The following ZFAND3 variants were observed in gnomAD, a reference collection of about 807,000 sequenced individuals.
ZFAND3 encodes the protein zinc finger AN1-type containing 3.
Under a neutral mutation model 29.6 loss-of-function variants are expected in ZFAND3, and 10 were observed. The ratio of observed to expected loss-of-function variants is 0.34; its 90% CI spans 0.21 to 0.57. The LOEUF (loss-of-function observed/expected upper bound fraction) is 0.57. Among genes scored for constraint, ZFAND3 ranks in the 20% least tolerant of loss-of-function variants. ZFAND3 has a pLI of 0.86. For missense variants in ZFAND3, 230 were observed against 304.5 expected, an observed-to-expected ratio of 0.76 and a Z score of 1.82; for synonymous variants, 128 against 112.6, an observed-to-expected ratio of 1.14 and a Z score of -0.87.
intron 4 of ZFAND3, among the ~76,000 whole-genome samples, chr6:38,093,164 A>AAAAT (rs1298122731): frequency 6.6e-6 from 1 of 152,256 alleles, no homozygotes; most frequent in Non-Finnish European, 1.5e-5. Context: ...ACTTGCCAAA[A>AAAAT]AAACCAGTTC....
intron 1 of ZFAND3, among the ~76,000 whole-genome samples, chr6:37,827,680 G>C (rs1356971666): frequency 6.6e-6 from 1 of 152,246 alleles, no homozygotes. Flanking sequence ...ATGAGGCTGA[G>C]GGACAGAGCT....
intron 2 of ZFAND3, among the ~76,000 whole-genome samples, chr6:38,030,586 GT>G (rs1763540663): frequency 6.6e-6 from 1 of 152,098 alleles, no homozygotes; most frequent in African/African-American, 2.4e-5. Flanking sequence ...GCAACTGATT[GT>G]TCAACAGAAA....
At chr6:37,862,541 AG>A (rs1344028055) in intron 1 of ZFAND3, among the ~76,000 whole-genome samples, 1 of 151,242 alleles carries the variant, frequency 6.6e-6, no homozygotes, top group African/African-American at 2.4e-5. Context: ...AAGAAAAAGC[AG>A]GCATGGTGGT....
chr6:38,063,953 G>GAA (rs796706683), intron 3 of ZFAND3, among the ~76,000 whole-genome samples: 1 of 143,594 alleles, frequency 7.0e-6, no homozygotes, highest in Admixed American at 6.9e-5. Flanking sequence ...TATAAGAGGA[G>GAA]AAAAAAAAAA....
chr6:38,119,319 A>G (rs1461463187), intron 5 of ZFAND3, among the ~76,000 whole-genome samples: 1 of 152,166 alleles, frequency 6.6e-6, no homozygotes, highest in African/African-American at 2.4e-5. Context: ...CTGCCCTGAA[A>G]GGTTTTAGAG....
At chr6:37,940,283 G>A (rs973963255) in intron 2 of ZFAND3, among the ~76,000 whole-genome samples, 2 of 152,164 alleles carry the variant, frequency 1.3e-5, no homozygotes, top group Non-Finnish European at 2.9e-5. Context: ...TGTTCTGGCT[G>A]TTGCCTTTGT....
chr6:37,899,375 G>T (rs369810534), intron 1 of ZFAND3, among the ~76,000 whole-genome samples: 1 of 152,074 alleles, frequency 6.6e-6, no homozygotes, highest in Non-Finnish European at 1.5e-5. Flanking sequence ...GGGGAAAAGC[G>T]TGCAATATTT....
intron 2 of ZFAND3, among the ~76,000 whole-genome samples, chr6:37,988,630 A>T (rs893820483): frequency 6.6e-6 from 1 of 152,212 alleles, no homozygotes; most frequent in Non-Finnish European, 1.5e-5. Flanking sequence ...CTGTCTTTGA[A>T]GCCAGCCTCA....
intron 1 of ZFAND3, among the ~76,000 whole-genome samples, chr6:37,858,350 A>G (rs1457429920): frequency 6.6e-6 from 1 of 152,194 alleles, no homozygotes; most frequent in Non-Finnish European, 1.5e-5. Context: ...AGCAGGTACT[A>G]AGGACCTTCA....
At chr6:38,030,087 TATATATATATATATAG>T (rs1310807544) in intron 2 of ZFAND3, among the ~76,000 whole-genome samples, 5 of 119,214 alleles carry the variant, frequency 4.2e-5, no homozygotes, top group African/African-American at 1.3e-4. Flanking sequence ...TATATATATA[TATATATATATATATAG>T]CCTGAGAAGG....
chr6:38,015,743 A>G (rs749383845), intron 2 of ZFAND3, among the ~76,000 whole-genome samples: 2 of 152,248 alleles, frequency 1.3e-5, no homozygotes, highest in Non-Finnish European at 2.9e-5. Context: ...TTGTAGAAAT[A>G]GTATTAAAAC....
At chr6:38,067,886 T>A (rs1237080616) in intron 3 of ZFAND3, among the ~76,000 whole-genome samples, 1 of 152,048 alleles carries the variant, frequency 6.6e-6, no homozygotes, top group Non-Finnish European at 1.5e-5. Flanking sequence ...TCTACCTGAG[T>A]TTTTGGATTT....
At chr6:37,964,272 A>C (rs6923132) in intron 2 of ZFAND3, among the ~76,000 whole-genome samples, 12,546 of 152,200 alleles carry the variant, frequency 0.082, 625 homozygotes, top group African/African-American at 0.14. Flanking sequence ...TCTGTATCAC[A>C]TGACTACCCT....
Position 37,896,570 on chromosome 6 carries a change from C to CTT in ZFAND3, c.72-33388_72-33387insTT, listed in dbSNP as rs1554153801. On this transcript the variant is annotated intron_variant, in intron 1 of 5. Coordinates refer to ENST00000287218, the MANE Select transcript of ZFAND3 (RefSeq NM_021943.3). The stretch of plus-strand genomic sequence containing the variant: ...TCTTTCTTTCTTTCTTTCTTTCTTT[C>CTT]TCTCTTTCTCTCTCTTTCTCTTTTT... Among the ~76,000 whole-genome samples, 172 of 124,494 alleles carry CTT rather than the reference C, an allele frequency of 1.4e-3. 1 individual carries two copies. Among genetic ancestry groups the CTT allele is most frequent in the African/African-American group, 3.2e-3 (101 of 31,312 alleles). The allele number at this position is 124,494 out of a possible 152,430, so 81.7% of individuals were successfully genotyped here.
At chr6:37,939,210 T>TA (rs1761758272) in intron 2 of ZFAND3, among the ~76,000 whole-genome samples, 1 of 152,210 alleles carries the variant, frequency 6.6e-6, no homozygotes, top group South Asian at 2.1e-4. Context: ...GCCAGAAGTC[T>TA]AAAACCAAGG....
intron 1 of ZFAND3, among the ~76,000 whole-genome samples, chr6:37,867,430 C>T (rs1764609643): frequency 1.3e-5 from 2 of 152,172 alleles, no homozygotes; most frequent in South Asian, 4.1e-4. Context: ...AGAAATACAT[C>T]TTCAAATTAC....
In ZFAND3 at chr6:37,843,464, G is replaced by A. The variant is rs189163448; in HGVS notation, c.71+23448G>A. Among the ~76,000 whole-genome samples, 638 of 151,664 alleles carry A rather than the reference G, an allele frequency of 4.2e-3. 7 individuals carry two copies. The highest frequency in any genetic ancestry group is 7.6e-3 in the Non-Finnish European group (518 of 67,948). ...ATCGTGCCACTGCACTCCAGCCTGGGTGACAGAGTGAGACTCCGTCTCAAA... is the reference window on the plus strand; with the variant it reads ...ATCGTGCCACTGCACTCCAGCCTGGATGACAGAGTGAGACTCCGTCTCAAA... On this transcript the variant is annotated intron_variant, in intron 1 of 5. Coordinates refer to ENST00000287218, the MANE Select transcript of ZFAND3 (RefSeq NM_021943.3).
At chr6:38,089,443 T>C (rs1005189090) in intron 4 of ZFAND3, among the ~76,000 whole-genome samples, 1 of 152,086 alleles carries the variant, frequency 6.6e-6, no homozygotes, top group Non-Finnish European at 1.5e-5. Flanking sequence ...TCACTTCTTT[T>C]GTACAGCCTG....
chr6:38,045,584 A>T (rs1215322244), intron 2 of ZFAND3, among the ~76,000 whole-genome samples: 2 of 152,144 alleles, frequency 1.3e-5, no homozygotes, highest in Non-Finnish European at 2.9e-5. Context: ...AGTAGTCTTC[A>T]CTTAAATATT....
Sources: gnomAD v4.1 joint callset for allele counts (sites outside exome capture counted in the v4.1 genomes callset) on GRCh38, gnomAD v4.1.1 for gene constraint, MANE v1.5 for transcripts, NCBI Gene and HGNC (gene_info 2026-07-23, HGNC 2026-07-21) for gene names.